Variants in PES1 observed in about 807,000 individuals in gnomAD.
PES1 encodes pescadillo ribosomal biogenesis factor 1, also known as pescadillo homolog.
A neutral mutation model predicts 77.1 loss-of-function variants in PES1; 31 were observed. That is an observed-to-expected ratio of 0.40 (90% CI 0.30 to 0.54). The LOEUF (loss-of-function observed/expected upper bound fraction) is 0.54. PES1 is among the 20% of genes least tolerant of loss of function. PES1 has a pLI of 0.45. For missense variants in PES1, 658 were observed against 771.7 expected, an observed-to-expected ratio of 0.85 and a Z score of 1.75; for synonymous variants, 282 against 303.0, an observed-to-expected ratio of 0.93 and a Z score of 0.72.
intron 10 of PES1, 132 bp from the exon 11 acceptor site, chr22:30,580,310 C>T: frequency 8.3e-7 from 1 of 1,199,924 alleles, no homozygotes; most frequent in Non-Finnish European, 1.2e-6. Context: ...CCCTCCTCAC[C>T]CCAGGATCCT....
chr22:30,596,210 G>T (rs576914378), upstream of PES1, among the ~76,000 whole-genome samples: 6 of 152,132 alleles, frequency 3.9e-5, no homozygotes, highest in Admixed American at 3.9e-4. Context: ...TTTTCTACTG[G>T]TGTTGAGATA....
chr22:30,599,474 A>G (rs1324158752), intron 2 of PES1, among the ~76,000 whole-genome samples: 1 of 152,236 alleles, frequency 6.6e-6, no homozygotes, highest in East Asian at 1.9e-4. Flanking sequence ...AAATCTTCCG[A>G]GTTATCAACA....
intron 2 of PES1, among the ~76,000 whole-genome samples, chr22:30,600,508 T>G (rs184293014): frequency 5.6e-4 from 84 of 150,874 alleles, no homozygotes; most frequent in Non-Finnish European, 9.4e-4. Context: ...AAAAGCGAGG[T>G]CCTGTCTCTA....
intron 8 of PES1, 65 bp from the exon 9 acceptor site, chr22:30,581,166 AG>A: frequency 3.5e-6 from 5 of 1,429,160 alleles, no homozygotes; most frequent in Non-Finnish European, 4.8e-6. Context: ...CAGGGTGGGG[AG>A]GGGCAGCAGT....
At chr22:30,588,287 T>C in intron 2 of PES1, 113 bp from the exon 3 acceptor site, 1 of 1,197,558 alleles carries the variant, frequency 8.4e-7, no homozygotes. Flanking sequence ...TCCCTGCCCT[T>C]AGAGACCTCA....
In PES1 at chr22:30,579,859, C is replaced by T. The variant is rs745443963; in HGVS notation, c.1246G>A (p.Gly416Arg). The change falls in exon 12 of 15, where the codon GGG (glycine) becomes AGG (arginine). Residue 416 changes from glycine (G) to arginine (R), a missense_variant. Physicochemically the swap from Gly to Arg is moderately radical, Grantham distance 125. Transcript: ENST00000354694. ...LLLPVAEYFS[G>R]VQLPPHLSPF... is the part of the protein sequence containing the mutation. ...GAAAGGTGTGGGGGCAGCTGCACCC[C>T]AGAGAAGTACTCTGCCACGGGGAGA... is the stretch of plus-strand genomic sequence containing the variant. 1.2e-6 allele frequency: 2 copies of T among 1,614,056 alleles called. No individual in the cohort carries two copies. The highest frequency in any genetic ancestry group is 4.5e-5 in the East Asian group (2 of 44,872).
upstream of PES1, chr22:30,592,253 T>C (rs531927307): frequency 3.0e-6 from 3 of 1,005,530 alleles, no homozygotes; most frequent in Admixed American, 1.8e-4. Flanking sequence ...TGGTGCGCGA[T>C]AGGATTGCGT....
intron 2 of PES1, among the ~76,000 whole-genome samples, chr22:30,603,590 C>G (rs1360133298): frequency 6.6e-6 from 1 of 152,026 alleles, no homozygotes. Flanking sequence ...CCCTGTTGGT[C>G]AGGCTGGTCT....
upstream of PES1, chr22:30,592,348 C>T (rs1394094568): frequency 1.0e-6 from 1 of 989,546 alleles, no homozygotes; most frequent in Non-Finnish European, 1.2e-6. Flanking sequence ...TGAGACTGCG[C>T]TGAGTTCCCA....
At chr22:30,583,607 A>T (rs1258563797) in intron 6 of PES1, among the ~76,000 whole-genome samples, 1 of 152,212 alleles carries the variant, frequency 6.6e-6, no homozygotes, top group African/African-American at 2.4e-5. Flanking sequence ...GATCCCTGCC[A>T]ACAATTCCCA....
intron 1 of PES1, chr22:30,605,592 G>T: frequency 1.9e-6 from 1 of 519,078 alleles, no homozygotes; most frequent in Non-Finnish European, 2.5e-6. Context: ...TCCCACCCAG[G>T]ACCAAGGTGG....
At position 30,584,756 on chromosome 22, in the gene PES1, C is replaced by T. The variant is rs373539915; in HGVS notation, c.369-39G>A. On this transcript the variant is annotated intron_variant, in intron 4 of 14. Coordinates refer to ENST00000354694, the MANE Select transcript of PES1 (RefSeq NM_014303.4). Reference sequence around the variant, plus strand: ...GAGGCAGCACATGGGGCCTGTTCAGCGTGGGTGCCAAGGGGGACCCTGATC... The same window carrying T: ...GAGGCAGCACATGGGGCCTGTTCAGTGTGGGTGCCAAGGGGGACCCTGATC... 13 of 1,605,118 alleles carry T rather than the reference C, an allele frequency of 8.1e-6. No individual in the cohort carries two copies. The African/African-American group carries it at 9.4e-5, about 12-fold the overall frequency.
At chr22:30,583,881 G>C (rs959561216) in intron 6 of PES1, among the ~76,000 whole-genome samples, 6 of 152,284 alleles carry the variant, frequency 3.9e-5, no homozygotes, top group Admixed American at 3.3e-4. Context: ...GAGGCAGGAA[G>C]GGGGAAGCAG....
upstream of PES1, among the ~76,000 whole-genome samples, chr22:30,595,220 C>G (rs1333407051): frequency 6.6e-6 from 1 of 151,946 alleles, no homozygotes; most frequent in Non-Finnish European, 1.5e-5. Flanking sequence ...CTATCAGAAT[C>G]CAAGATCTCC....
At chr22:30,581,252 C>A in intron 8 of PES1, 82 bp downstream of exon 8, 1 of 1,504,774 alleles carries the variant, frequency 6.6e-7, no homozygotes, top group Non-Finnish European at 9.2e-7. Context: ...ACCACCCCCA[C>A]TCTGAACCAG....
In PES1 at chr22:30,606,036, G is replaced by A. The variant is rs191349600; in HGVS notation, c.-717-519C>T. Among the ~76,000 whole-genome samples the A allele has an allele frequency of 1.4e-3, 208 of 152,214 alleles. 5 individuals carry two copies. Among genetic ancestry groups the A allele is most frequent in the African/African-American group, 4.0e-3 (168 of 41,524 alleles). On this transcript the variant is annotated intron_variant, in intron 1 of 16. Coordinates refer to the PES1 transcript ENST00000402281. ...GGAAGAACTATTTTAAACTCGAGAG[G>A]TTAAGTGACCTGGCCAAAGTCACAC...
intron 2 of PES1, 90 bp from the exon 3 acceptor site, chr22:30,588,264 G>T: frequency 6.9e-7 from 1 of 1,446,730 alleles, no homozygotes; most frequent in South Asian, 1.2e-5. Context: ...AACAGTAAAT[G>T]GGGAACATGG....
upstream of PES1, among the ~76,000 whole-genome samples, chr22:30,594,720 A>C (rs1410817021): frequency 2.0e-5 from 3 of 151,766 alleles, no homozygotes; most frequent in African/African-American, 4.8e-5. Flanking sequence ...CTGTAGTCCC[A>C]GCTACTCAGA....
chr22:30,598,884 A>ATTT (rs1569031688), intron 2 of PES1, among the ~76,000 whole-genome samples: 7 of 46,260 alleles, frequency 1.5e-4, no homozygotes, highest in African/African-American at 5.2e-4. Context: ...ACTTAAGTAA[A>ATTT]ATTTTTTTTT....
Sources: allele counts gnomAD v4.1 joint callset (sites outside exome capture counted in the v4.1 genomes callset), GRCh38; gene constraint gnomAD v4.1.1; transcripts MANE v1.5; gene names NCBI Gene and HGNC (gene_info 2026-07-23, HGNC 2026-07-21).